PDZD2: variants seen among roughly 807,000 people sequenced by gnomAD.
PDZD2 encodes the protein PDZ domain-containing protein 2.
PDZD2 carries 90 observed loss-of-function variants against 220.7 expected under a neutral mutation model. That is an observed-to-expected ratio of 0.41 (90% CI 0.34 to 0.49). PDZD2 has a LOEUF of 0.49. PDZD2 is among the 20% of genes least tolerant of loss of function. The probability of loss-of-function intolerance (pLI) is 0.28; values close to 1 mark genes in which losing one functional copy is unlikely to be tolerated. For synonymous variants in PDZD2, 1,375 were observed against 1,450.5 expected, an observed-to-expected ratio of 0.95 and a Z score of 1.18; for missense variants, 3,174 against 3,608.5, an observed-to-expected ratio of 0.88 and a Z score of 3.08.
chr5:31,741,617 ACT>A (rs1750272846), intron 1 of PDZD2, among the ~76,000 whole-genome samples: 1 of 151,954 alleles, frequency 6.6e-6, no homozygotes, highest in South Asian at 2.1e-4. Context: ...ACCATTATGT[ACT>A]CTGAGTTCCT....
In PDZD2 at chr5:31,776,511, G is replaced by A. The variant is rs768157345; in HGVS notation, c.-360-22378G>A. Among the ~76,000 whole-genome samples, 8 of 150,088 alleles carry A rather than the reference G, an allele frequency of 5.3e-5. 1 individual carries two copies. Among genetic ancestry groups the A allele is most frequent in the African/African-American group, 1.5e-4 (6 of 40,766 alleles). On this transcript the variant is annotated intron_variant, in intron 1 of 24. Transcript: ENST00000438447. ...ATTTATTCATTTTTAGTAGAGACAGGTTACTTATGTTGGCCAGGCTGGTCT... is the reference window on the plus strand; with the variant it reads ...ATTTATTCATTTTTAGTAGAGACAGATTACTTATGTTGGCCAGGCTGGTCT...
chr5:32,098,586 G>A lies in PDZD2; in HGVS notation c.8170G>A (p.Gly2724Arg). ...SARQEPPTAN[G>R]KGLLSRKTIP... ...CCGGCAGGAGCCTCCCACAGCCAAT[G>A]GGAAGGGTTTGCTGTCCAGAAAGAC... The change falls in exon 23 of 25, where the codon GGG becomes AGG. Residue 2724 changes from glycine (G) to arginine (R), a missense_variant. This residue lies in a region of PDZD2 where 631 missense variants were observed against 789.9 expected (regional missense o/e 0.80). Coordinates refer to ENST00000438447, the MANE Select transcript of PDZD2 (RefSeq NM_178140.4). This position sits in a 1 kb window ranked among gnomAD's most constrained non-coding sequence, Gnocchi z 4.1. 6.2e-7 allele frequency: 1 copy of A among 1,614,166 alleles called. No homozygotes were observed. Among genetic ancestry groups the A allele is most frequent in the Non-Finnish European group, 8.5e-7 (1 of 1,180,018 alleles).
intron 2 of PDZD2, among the ~76,000 whole-genome samples, chr5:31,803,490 A>G (rs1273785675): frequency 6.6e-6 from 1 of 151,808 alleles, no homozygotes; most frequent in Non-Finnish European, 1.5e-5. Flanking sequence ...GGATAGTTTG[A>G]ATAATTTCAG....
chr5:31,850,740 G>A (rs1450708509), intron 2 of PDZD2, among the ~76,000 whole-genome samples: 2 of 150,546 alleles, frequency 1.3e-5, no homozygotes, highest in Non-Finnish European at 2.9e-5. Flanking sequence ...GGGTTCAAGC[G>A]ATTCTTCTGT....
At chr5:31,770,790 G>T (rs1752295389) in intron 1 of PDZD2, among the ~76,000 whole-genome samples, 1 of 150,582 alleles carries the variant, frequency 6.6e-6, no homozygotes, top group Non-Finnish European at 1.5e-5. Flanking sequence ...TCTCTGCTGT[G>T]GCTCCAGCTC....
chr5:31,968,113 T>C (rs1211647336), intron 2 of PDZD2, among the ~76,000 whole-genome samples: 1 of 152,162 alleles, frequency 6.6e-6, no homozygotes, highest in Non-Finnish European at 1.5e-5. Context: ...GGGTGGTGCC[T>C]TCATGAATGG....
chr5:31,965,025 T>A (rs1490636448), intron 2 of PDZD2, among the ~76,000 whole-genome samples: 1 of 152,142 alleles, frequency 6.6e-6, no homozygotes, highest in Non-Finnish European at 1.5e-5. Context: ...CCCGGCCAGT[T>A]TTTTTGCCAT....
chr5:31,705,376 A>T (rs1366410743), intron 1 of PDZD2, among the ~76,000 whole-genome samples: 1 of 152,190 alleles, frequency 6.6e-6, no homozygotes, highest in Non-Finnish European at 1.5e-5. Context: ...ATAGAAAACG[A>T]AGAGAAAATC....
chr5:31,819,312 G>C (rs1468156195), intron 2 of PDZD2, among the ~76,000 whole-genome samples: 1 of 152,076 alleles, frequency 6.6e-6, no homozygotes, highest in Non-Finnish European at 1.5e-5. Flanking sequence ...TGATTTATTT[G>C]ATCAGTGACC....
chr5:32,035,926 C>CTTTGTTTTGT (rs897811316), intron 6 of PDZD2, among the ~76,000 whole-genome samples: 1 of 152,054 alleles, frequency 6.6e-6, no homozygotes, highest in East Asian at 1.9e-4. Context: ...CATCATCAAC[C>CTTTGTTTTGT]TTTGTTTTGT....
At chr5:32,003,635 TCCA>T (rs1193788898) in intron 5 of PDZD2, among the ~76,000 whole-genome samples, 2 of 152,220 alleles carry the variant, frequency 1.3e-5, no homozygotes, top group Non-Finnish European at 2.9e-5. Flanking sequence ...GCACGAGCAT[TCCA>T]CCATGTACTG....
At chr5:32,032,375 C>T (rs1034093012) in intron 6 of PDZD2, among the ~76,000 whole-genome samples, 1 of 152,148 alleles carries the variant, frequency 6.6e-6, no homozygotes, top group African/African-American at 2.4e-5. Flanking sequence ...CGGAATCAGA[C>T]CTGTGTAAAT....
At chr5:31,949,735 C>T (rs1055924516) in intron 2 of PDZD2, among the ~76,000 whole-genome samples, 5 of 147,746 alleles carry the variant, frequency 3.4e-5, no homozygotes, top group South Asian at 4.2e-4. Context: ...TGTGGTGGTG[C>T]GATCTCAGCT....
At chr5:31,961,180 A>T (rs1271012384) in intron 2 of PDZD2, among the ~76,000 whole-genome samples, 3 of 152,120 alleles carry the variant, frequency 2.0e-5, no homozygotes, top group Non-Finnish European at 2.9e-5. Context: ...CAAAGCAGGG[A>T]AAAGATCAAT....
intron 2 of PDZD2, among the ~76,000 whole-genome samples, chr5:31,888,269 T>G (rs1580999605): frequency 1.3e-5 from 2 of 152,150 alleles, no homozygotes; most frequent in Non-Finnish European, 2.9e-5. Context: ...CTCAGCTCAC[T>G]GCAACTTCCG....
chr5:31,698,078 T>TG (rs1371965991), intron 1 of PDZD2, among the ~76,000 whole-genome samples: 1 of 150,014 alleles, frequency 6.7e-6, no homozygotes, highest in Non-Finnish European at 1.5e-5. Context: ...AATTTTTTTT[T>TG]TGTATTTTTT....
chr5:31,962,668 G>A (rs1748357722), intron 2 of PDZD2, among the ~76,000 whole-genome samples: 1 of 152,200 alleles, frequency 6.6e-6, no homozygotes, highest in Non-Finnish European at 1.5e-5. Context: ...GCACGGAGAA[G>A]GAGTGTGGTT....
chr5:31,710,067 T>C (rs1019272720), intron 1 of PDZD2, among the ~76,000 whole-genome samples: 5 of 152,150 alleles, frequency 3.3e-5, no homozygotes, highest in Non-Finnish European at 5.9e-5. Context: ...TGTTCCTATG[T>C]TGGGGAGGAG....
rs1228258176 is a variant in PDZD2 at position 32,089,247 on chromosome 5, G to A, written c.5799G>A (p.Gln1933=). The A allele has an allele frequency of 6.2e-7, 1 of 1,614,170 alleles. No individual in the cohort carries two copies. The highest frequency in any genetic ancestry group is 8.5e-7 in the Non-Finnish European group (1 of 1,180,022). The part of the protein sequence containing the change: ...SHKTLSKAVS[Q]RLHVADHEDP... Reference sequence around the variant, plus strand: ...AAACACTTTCTAAGGCAGTGTCACAGCGGCTCCATGTAGCCGACCACGAGG... The same window carrying A: ...AAACACTTTCTAAGGCAGTGTCACAACGGCTCCATGTAGCCGACCACGAGG... Residue 1933 remains glutamine, a synonymous_variant, in exon 20 of 25, where the codon CAG becomes CAA. Transcript: ENST00000438447.
Sources: gnomAD v4.1 joint callset for allele counts (sites outside exome capture counted in the v4.1 genomes callset) on GRCh38, gnomAD v4.1.1 for gene constraint, gnomAD v4.1.1 regional missense constraint, Gnocchi (gnomAD v3.1) non-coding constraint, MANE v1.5 for transcripts, NCBI Gene and HGNC (gene_info 2026-07-23, HGNC 2026-07-21) for gene names.